LSM12: variants seen among roughly 807,000 people sequenced by gnomAD.
The protein encoded by LSM12 is protein LSM12.
For synonymous variants in LSM12, 74 were observed against 87.3 expected (o/e 0.85, Z 0.85); for missense variants, 108 against 238.9 (o/e 0.45, Z 3.61).
chr17:44,067,287 G>A (rs747002273), upstream of LSM12, among the ~76,000 whole-genome samples: 1 of 152,182 alleles, frequency 6.6e-6, no homozygotes, highest in Non-Finnish European at 1.5e-5. Flanking sequence ...GCAACAGAGC[G>A]AGACTCTGTC....
At chr17:44,061,644 CTAAG>C (rs1373443805) in intron 2 of LSM12, among the ~76,000 whole-genome samples, 3 of 152,174 alleles carry the variant, frequency 2.0e-5, no homozygotes, top group Non-Finnish European at 4.4e-5. Flanking sequence ...TTTTAGTTGC[CTAAG>C]TGTTTCCTTG....
At chr17:44,045,123 G>C (rs775007861) in intron 2 of LSM12, among the ~76,000 whole-genome samples, 1 of 152,102 alleles carries the variant, frequency 6.6e-6, no homozygotes, top group South Asian at 2.1e-4. Flanking sequence ...CGCCTCCCAG[G>C]TTCAAGGGAT....
At chr17:44,050,489 TC>T (rs1294425535) in intron 2 of LSM12, among the ~76,000 whole-genome samples, 15 of 151,460 alleles carry the variant, frequency 9.9e-5, no homozygotes, top group African/African-American at 3.4e-4. Context: ...GGGCAACTGT[TC>T]CCTAGCTGAA....
At chr17:44,058,089 T>C (rs1250699352) in intron 2 of LSM12, among the ~76,000 whole-genome samples, 1 of 151,338 alleles carries the variant, frequency 6.6e-6, no homozygotes, top group African/African-American at 2.4e-5. Flanking sequence ...ACAAAAAAAT[T>C]AGCTGGGCGT....
chr17:44,053,490 C>T (rs1311453670), intron 2 of LSM12, among the ~76,000 whole-genome samples: 1 of 152,140 alleles, frequency 6.6e-6, no homozygotes, highest in Non-Finnish European at 1.5e-5. Context: ...TGTCCCTCAC[C>T]ACTCCCAACA....
chr17:44,055,019 G>A (rs945830127), intron 2 of LSM12, among the ~76,000 whole-genome samples: 1 of 151,676 alleles, frequency 6.6e-6, no homozygotes, highest in African/African-American at 2.4e-5. Context: ...TTCATTTTTA[G>A]TAGAGTATTT....
intron 1 of LSM12, 34 bp downstream of exon 1, chr17:44,066,430 G>A (rs1264558663): frequency 6.5e-7 from 1 of 1,541,700 alleles, no homozygotes. Flanking sequence ...CCTACACGCC[G>A]GCCCGGACTC....
chr17:44,040,557 G>C (rs934537681), intron 2 of LSM12, among the ~76,000 whole-genome samples: 1 of 152,100 alleles, frequency 6.6e-6, no homozygotes, highest in African/African-American at 2.4e-5. Context: ...CTATAAACAA[G>C]TAACTGAAAT....
At chr17:44,041,949 C>T (rs1033171483) in intron 2 of LSM12, among the ~76,000 whole-genome samples, 3 of 152,152 alleles carry the variant, frequency 2.0e-5, no homozygotes, top group African/African-American at 7.2e-5. Context: ...TGCAAACACG[C>T]GCGAGAACAC....
intron 2 of LSM12, among the ~76,000 whole-genome samples, chr17:44,056,623 G>T (rs999797313): frequency 6.6e-6 from 1 of 151,760 alleles, no homozygotes; most frequent in Non-Finnish European, 1.5e-5. Context: ...AACCCAGGAG[G>T]CAGAGGTTGC....
intron 2 of LSM12, among the ~76,000 whole-genome samples, chr17:44,060,133 C>A (rs2049777516): frequency 6.6e-6 from 1 of 152,098 alleles, no homozygotes; most frequent in African/African-American, 2.4e-5. Flanking sequence ...CCACTGCACT[C>A]CAGCCTGGGC....
At chr17:44,042,339 G>T (rs2049506062) in intron 2 of LSM12, among the ~76,000 whole-genome samples, 1 of 151,976 alleles carries the variant, frequency 6.6e-6, no homozygotes, top group Non-Finnish European at 1.5e-5. Flanking sequence ...GTACCTTAAT[G>T]CTTGGAATCT....
intron 2 of LSM12, among the ~76,000 whole-genome samples, chr17:44,047,029 C>T (rs1380990911): frequency 6.6e-6 from 1 of 151,984 alleles, no homozygotes; most frequent in Non-Finnish European, 1.5e-5. Context: ...AGCGCCCGGC[C>T]CTAATGTTTG....
chr17:44,050,279 T>TC (rs1268745984), intron 2 of LSM12, among the ~76,000 whole-genome samples: 1 of 151,146 alleles, frequency 6.6e-6, no homozygotes, highest in Non-Finnish European at 1.5e-5. Context: ...TTTTGTATTT[T>TC]TTTTTTTTTT....
Position 44,036,160 on chromosome 17 carries a change from C to CA in LSM12, c.*47dup. The CA allele has an allele frequency of 6.3e-7, 1 of 1,589,252 alleles. No homozygotes were observed. The highest frequency in any genetic ancestry group is 8.6e-7 in the Non-Finnish European group (1 of 1,165,008). ...GGCCTGCCTCCGCTGAAGCCACCAC[C>CA]AGCGCCTCCTTGGCTGGATGCTGGA... On this transcript the variant is annotated 3_prime_UTR_variant, in exon 5 of 5. Coordinates refer to ENST00000293406, the MANE Select transcript of LSM12 (RefSeq NM_001371445.1).
chr17:44,055,740 AAT>A (rs1201446441), intron 2 of LSM12, among the ~76,000 whole-genome samples: 3 of 144,166 alleles, frequency 2.1e-5, no homozygotes, highest in South Asian at 2.1e-4. Flanking sequence ...TTATATATAT[AAT>A]ATATGTGTAT....
At position 44,055,379 on chromosome 17, in the gene LSM12, G is replaced by C. The variant is rs1446417922; in HGVS notation, c.258+8422C>G. 2.6e-5 allele frequency among the ~76,000 whole-genome samples: 4 copies of C among 151,558 alleles called. 1 individual carries two copies. Among genetic ancestry groups the C allele is most frequent in the Non-Finnish European group, 5.9e-5 (4 of 67,924 alleles). ...CATATTAGGGTCAAGATATGACAAA[G>C]GGCCAGGCACAGTGGCTCACACCTG... is the stretch of plus-strand genomic sequence containing the variant. On this transcript the variant is annotated intron_variant, in intron 2 of 4. Coordinates refer to ENST00000293406, the MANE Select transcript of LSM12 (RefSeq NM_001371445.1).
At position 44,043,548 on chromosome 17, in the gene LSM12, CT is replaced by C. The variant is rs34478151; in HGVS notation, c.259-3293del. 4.8e-3 allele frequency among the ~76,000 whole-genome samples: 642 copies of C among 134,188 alleles called. 2 individuals are homozygous for C. The highest frequency in any genetic ancestry group is 0.014 in the African/African-American group (499 of 36,586). The allele number at this position is 134,188 out of a possible 152,430, so 88.0% of individuals were successfully genotyped here. On this transcript the variant is annotated intron_variant, in intron 2 of 4. Transcript: ENST00000293406. ...AACCCCGGTAACAAGGAGGAGTTTC[CT>C]TTTTTTTTTTTTTTTTGAGATGGAG...
chr17:44,055,755 A>G lies in LSM12; in HGVS notation c.258+8046T>C, dbSNP rs866116907. Among the ~76,000 whole-genome samples, 5 of 146,862 alleles carry G rather than the reference A, an allele frequency of 3.4e-5. No individual in the cohort carries two copies. In the South Asian group the frequency reaches 1.0e-3, roughly 31 times the overall value. ...TTATATATATAATATATGTGTATAT[A>G]TATAAATAAAAAGATATAACCAAGA... On this transcript the variant is annotated intron_variant, in intron 2 of 4. Coordinates refer to ENST00000293406, the MANE Select transcript of LSM12 (RefSeq NM_001371445.1).
Sources: gnomAD v4.1 joint callset for allele counts (sites outside exome capture counted in the v4.1 genomes callset) on GRCh38, gnomAD v4.1.1 for gene constraint, MANE v1.5 for transcripts, NCBI Gene and HGNC (gene_info 2026-07-23, HGNC 2026-07-21) for gene names.